GRM7: variants seen among roughly 807,000 people sequenced by gnomAD.
GRM7 encodes the protein glutamate metabotropic receptor 7.
A neutral mutation model predicts 84.5 loss-of-function variants in GRM7; 35 were observed. The ratio of observed to expected loss-of-function variants is 0.41; its 90% CI spans 0.32 to 0.55. The LOEUF (loss-of-function observed/expected upper bound fraction) is 0.55. GRM7 is among the 20% of genes least tolerant of loss of function. The pLI is 0.19. For missense variants in GRM7, 1,003 were observed against 1,194.6 expected, an observed-to-expected ratio of 0.84 and a Z score of 2.36; for synonymous variants, 487 against 455.1, an observed-to-expected ratio of 1.07 and a Z score of -0.89.
intron 7 of GRM7, among the ~76,000 whole-genome samples, chr3:7,567,355 C>G (rs1406627496): frequency 6.6e-6 from 1 of 152,076 alleles, no homozygotes; most frequent in Non-Finnish European, 1.5e-5. Flanking sequence ...GGCTTTCCAC[C>G]CAGTGCAGCA....
intron 1 of GRM7, among the ~76,000 whole-genome samples, chr3:7,002,349 C>T (rs1442229928): frequency 2.0e-5 from 3 of 152,168 alleles, no homozygotes; most frequent in Non-Finnish European, 4.4e-5. Flanking sequence ...GGCTTCTCTA[C>T]TAGAACTATG....
At chr3:7,679,161 A>G (rs1700257285) in intron 8 of GRM7, among the ~76,000 whole-genome samples, 1 of 152,182 alleles carries the variant, frequency 6.6e-6, no homozygotes, top group South Asian at 2.1e-4. Flanking sequence ...CATGCTAAGA[A>G]GAAAAGGAGG....
chr3:7,294,119 G>A (rs548532347), intron 2 of GRM7, among the ~76,000 whole-genome samples: 17 of 152,282 alleles, frequency 1.1e-4, no homozygotes, highest in South Asian at 4.1e-4. Context: ...GGGGATGAGC[G>A]TCTCAATTCT....
intron 7 of GRM7, among the ~76,000 whole-genome samples, chr3:7,532,829 G>T (rs1701093658): frequency 1.4e-5 from 2 of 147,280 alleles, no homozygotes; most frequent in Non-Finnish European, 3.0e-5. Flanking sequence ...AAAAGCAGGG[G>T]TTGCCATCCT....
intron 1 of GRM7, among the ~76,000 whole-genome samples, chr3:7,015,506 C>G (rs1395745350): frequency 6.6e-6 from 1 of 152,160 alleles, no homozygotes; most frequent in Non-Finnish European, 1.5e-5. Context: ...TGCTACATAA[C>G]AAATTAATGC....
chr3:6,982,976 AT>A (rs1694264836), intron 1 of GRM7, among the ~76,000 whole-genome samples: 1 of 152,208 alleles, frequency 6.6e-6, no homozygotes, highest in South Asian at 2.1e-4. Context: ...ATAGATTTTC[AT>A]TTTTTAGAGT....
intron 8 of GRM7, 35 bp from the exon 9 acceptor site, chr3:7,680,014 A>G: frequency 6.2e-7 from 1 of 1,608,982 alleles, no homozygotes; most frequent in South Asian, 1.1e-5. Context: ...CAGTCATTTT[A>G]TTTGTAATAG....
At chr3:7,013,360 T>A (rs1695451852) in intron 1 of GRM7, among the ~76,000 whole-genome samples, 1 of 152,050 alleles carries the variant, frequency 6.6e-6, no homozygotes. Flanking sequence ...TAACTCATGG[T>A]TTTTCCTGTC....
intron 4 of GRM7, among the ~76,000 whole-genome samples, chr3:7,337,775 G>T (rs952729989): frequency 2.6e-5 from 4 of 151,994 alleles, no homozygotes; most frequent in South Asian, 2.1e-4. Flanking sequence ...ACATGGATTT[G>T]GTGAAAAGGG....
At chr3:7,368,904 TTAA>T (rs61209069) in intron 4 of GRM7, among the ~76,000 whole-genome samples, 152,218 of 152,220 alleles carry the variant, frequency 1, 76,108 homozygotes, top group Non-Finnish European at 1. Context: ...TGAGTGATGG[TTAA>T]AATCAGTGTT....
chr3:7,458,664 T>C (rs1262130532), intron 6 of GRM7, among the ~76,000 whole-genome samples: 1 of 152,172 alleles, frequency 6.6e-6, no homozygotes, highest in Non-Finnish European at 1.5e-5. Context: ...GATTAGGTGA[T>C]GGGGCCCATT....
At chr3:7,607,787 T>G (rs980693004) in intron 8 of GRM7, 3 of 142,026 alleles carry the variant, frequency 2.1e-5, no homozygotes, top group Admixed American at 7.3e-5. Context: ...TGTACATACA[T>G]AAACAAGTGT....
At chr3:7,281,961 T>C (rs1699266713) in intron 2 of GRM7, among the ~76,000 whole-genome samples, 1 of 152,154 alleles carries the variant, frequency 6.6e-6, no homozygotes, top group Non-Finnish European at 1.5e-5. Flanking sequence ...CGTGAGGCTG[T>C]AGTCCCAGCT....
At chr3:7,543,647 T>G (rs1693004162) in intron 7 of GRM7, among the ~76,000 whole-genome samples, 1 of 152,210 alleles carries the variant, frequency 6.6e-6, no homozygotes, top group Admixed American at 6.5e-5. Flanking sequence ...GATCCATACT[T>G]CTGATTTTAT....
chr3:7,120,946 A>T (rs1384380645), intron 1 of GRM7, among the ~76,000 whole-genome samples: 3 of 152,118 alleles, frequency 2.0e-5, no homozygotes, highest in Non-Finnish European at 4.4e-5. Context: ...AGCATCCTAC[A>T]CTTACCTGTA....
chr3:6,927,457 G>C lies in GRM7; in HGVS notation c.519+65550G>C, dbSNP rs963985346. On this transcript the variant is annotated intron_variant, in intron 1 of 9. Transcript: ENST00000357716. ...AGAAAGAAGAAAGAGAAGAAAGAAA[G>C]AGAGAGAGAAAGAAAGAAAGAAAGA... Among the ~76,000 whole-genome samples, 39 of 68,614 alleles carry C rather than the reference G, an allele frequency of 5.7e-4. No homozygotes were observed. The Admixed American group carries it at 5.9e-3, about 10-fold the overall frequency. 45.0% of individuals were successfully genotyped at this position (68,614 alleles called of 152,430 possible).
rs753046139 is a variant in GRM7 at position 7,414,987 on chromosome 3, C to T, written c.1034-36C>T. ...TATTTCTGAATGTGCCAGCAGTGCC[C>T]CGCAAGCAATGACCTTTTCATTTAA... On this transcript the variant is annotated intron_variant, in intron 4 of 9. Coordinates refer to ENST00000357716, the MANE Select transcript of GRM7 (RefSeq NM_000844.4). The T allele has an allele frequency of 3.8e-6, 6 of 1,565,212 alleles. No homozygotes were observed. The Admixed American group carries it at 9.2e-5, about 24-fold the overall frequency.
At chr3:6,952,001 G>A (rs1692793862) in intron 1 of GRM7, among the ~76,000 whole-genome samples, 1 of 152,018 alleles carries the variant, frequency 6.6e-6, no homozygotes. Context: ...CTGATTTAAT[G>A]TAACCACTTA....
At chr3:7,185,199 G>C (rs911668488) in intron 2 of GRM7, among the ~76,000 whole-genome samples, 4 of 152,138 alleles carry the variant, frequency 2.6e-5, no homozygotes, top group African/African-American at 9.7e-5. Context: ...AAAAAAAGCA[G>C]CTTATACTTG....
Sources: gnomAD v4.1 joint callset for allele counts (sites outside exome capture counted in the v4.1 genomes callset) on GRCh38, gnomAD v4.1.1 for gene constraint, MANE v1.5 for transcripts, NCBI Gene and HGNC (gene_info 2026-07-23, HGNC 2026-07-21) for gene names.